The following ANXA2 variants were observed in gnomAD, a reference collection of about 807,000 sequenced individuals.
The protein encoded by ANXA2 is annexin A2, also known as annexin II.
A neutral mutation model predicts 47.3 loss-of-function variants in ANXA2; 28 were observed. The observed-to-expected ratio is 0.59, with a 90% CI of 0.44 to 0.81. ANXA2 has a LOEUF of 0.81. Among genes scored for constraint, ANXA2 ranks in the 40% least tolerant of loss-of-function variants. The pLI is 0.00. For synonymous variants in ANXA2, 172 were observed against 155.5 expected (o/e 1.11, Z -0.79); for missense variants, 384 against 414.3 (o/e 0.93, Z 0.64).
intron 3 of ANXA2, among the ~76,000 whole-genome samples, chr15:60,377,112 G>A (rs4774359): frequency 0.13 from 19,102 of 152,234 alleles, 1,312 homozygotes; most frequent in East Asian, 0.21. Flanking sequence ...GTCTCTTCCC[G>A]ATGAAGGGTT....
intron 3 of ANXA2, among the ~76,000 whole-genome samples, chr15:60,375,527 T>C (rs552281894): frequency 6.6e-6 from 1 of 152,322 alleles, no homozygotes; most frequent in East Asian, 1.9e-4. Context: ...ATCGTATATA[T>C]TTAACCCAAG....
At chr15:60,369,446 C>T (rs1421770688) in intron 3 of ANXA2, among the ~76,000 whole-genome samples, 4 of 152,190 alleles carry the variant, frequency 2.6e-5, no homozygotes, top group Non-Finnish European at 5.9e-5. Context: ...ACAATTCTAT[C>T]CTCTAACCTC....
intron 3 of ANXA2, among the ~76,000 whole-genome samples, chr15:60,369,226 TACCC>T (rs2062680096): frequency 6.6e-6 from 1 of 152,228 alleles, no homozygotes; most frequent in South Asian, 2.1e-4. Context: ...GACTCTAAAA[TACCC>T]ACAAAGTGGA....
chr15:60,383,742 G>A lies in ANXA2; in HGVS notation c.49-1301C>T, dbSNP rs561418584. The A allele has an allele frequency of 3.4e-4, 42 of 125,152 alleles. No individual in the cohort carries two copies. The South Asian group carries it at 8.1e-3, about 24-fold the overall frequency. 7.8% of individuals were successfully genotyped at this position (125,152 alleles called of 1,614,324 possible). A position where few individuals can be genotyped will look rare whatever the true frequency, so the allele number is the denominator to read the frequency against. ...CCAACCCCCCCAGCACATAATGCCC[G>A]TATAATGTGATGACTTGGCCTTGGC... On this transcript the variant is annotated intron_variant, in intron 2 of 12. Coordinates refer to ENST00000451270, the MANE Select transcript of ANXA2 (RefSeq NM_004039.3).
intron 4 of ANXA2, among the ~76,000 whole-genome samples, chr15:60,362,131 A>T (rs2062523528): frequency 6.6e-6 from 1 of 152,094 alleles, no homozygotes; most frequent in African/African-American, 2.4e-5. Flanking sequence ...CTGCTTCCCA[A>T]TGTCCCGGGA....
intron 2 of ANXA2, chr15:60,384,328 G>A (rs2062904471): frequency 6.6e-6 from 1 of 152,238 alleles, no homozygotes; most frequent in African/African-American, 2.4e-5. Context: ...AAACAACAGT[G>A]AGGGGGAAAA....
chr15:60,393,519 T>TAC (rs745944613), intron 1 of ANXA2: 16 of 990,776 alleles, frequency 1.6e-5, no homozygotes, highest in Non-Finnish European at 1.8e-5. Flanking sequence ...ATATCTTCTA[T>TAC]ACACACACAC....
At chr15:60,392,648 C>A (rs1188279225) in intron 1 of ANXA2, among the ~76,000 whole-genome samples, 1 of 152,216 alleles carries the variant, frequency 6.6e-6, no homozygotes, top group African/African-American at 2.4e-5. Context: ...AAATGTTAAT[C>A]TGAACAAACA....
At chr15:60,386,620 GTATT>G (rs2140923038) in intron 1 of ANXA2, 1 of 152,640 alleles carries the variant, frequency 6.6e-6, no homozygotes, top group South Asian at 2.1e-4. Context: ...AGATATTAAA[GTATT>G]TATGAGAAAG....
intron 3 of ANXA2, among the ~76,000 whole-genome samples, chr15:60,367,335 C>T (rs2062637820): frequency 8.3e-6 from 1 of 120,546 alleles, no homozygotes; most frequent in South Asian, 2.9e-4. Context: ...GCCCGGCCGC[C>T]CCTACTGGAA....
chr15:60,369,368 T>A (rs1368873708), intron 3 of ANXA2, among the ~76,000 whole-genome samples: 1 of 152,222 alleles, frequency 6.6e-6, no homozygotes, highest in Non-Finnish European at 1.5e-5. Context: ...ACTTGTTTAT[T>A]AACGTGTTTT....
intron 11 of ANXA2, 67 bp from the exon 12 acceptor site, chr15:60,349,264 T>C: frequency 6.4e-7 from 1 of 1,569,220 alleles, no homozygotes; most frequent in Non-Finnish European, 8.7e-7. Context: ...CGTCTACAGG[T>C]TGAGCATCCC....
chr15:60,352,312 A>G lies in ANXA2; in HGVS notation c.682+71T>C. ...ACCTCATTCTGGCAGACTCCATCCC[A>G]ACATGGACATCCACCCAGCCGCCCC... On this transcript the variant is annotated intron_variant, in intron 9 of 12. Coordinates refer to ENST00000451270, the MANE Select transcript of ANXA2 (RefSeq NM_004039.3). This position sits in a 1 kb window ranked among gnomAD's most constrained non-coding sequence, Gnocchi z 4.2. 9.5e-7 allele frequency: 1 copy of G among 1,054,410 alleles called. No homozygotes were observed. The highest frequency in any genetic ancestry group is 1.4e-6 in the Non-Finnish European group (1 of 693,300). 65.3% of individuals were successfully genotyped at this position (1,054,410 alleles called of 1,614,324 possible).
At chr15:60,393,075 G>T (rs1387282651) in intron 1 of ANXA2, 1 of 1,287,084 alleles carries the variant, frequency 7.8e-7, no homozygotes, top group African/African-American at 1.5e-5. Context: ...TGGTTTTATG[G>T]TCTTGATTAA....
Position 60,356,867 on chromosome 15 carries a change from T to C in ANXA2, c.448+279A>G, listed in dbSNP as rs182621686. 2.0e-4 allele frequency among the ~76,000 whole-genome samples: 30 copies of C among 152,336 alleles called. No individual in the cohort carries two copies. The South Asian group carries it at 4.6e-3, about 23-fold the overall frequency. ...ATACTTGCTACTTCTCCTCATCCGA[T>C]CTTGTTTAAAAACAAGTTTTGTTTT... On this transcript the variant is annotated intron_variant, in intron 6 of 12. Transcript: ENST00000451270.
Position 60,384,512 on chromosome 15 carries a change from T to C in ANXA2, c.48+1516A>G, listed in dbSNP as rs563937224. 5 of 152,276 alleles carry C rather than the reference T, an allele frequency of 3.3e-5. No homozygotes were observed. The East Asian group carries it at 9.6e-4, about 29-fold the overall frequency. 9.4% of individuals were successfully genotyped at this position (152,276 alleles called of 1,614,324 possible). On this transcript the variant is annotated intron_variant, in intron 2 of 12. Transcript: ENST00000451270. ...TATTTCTGCCCCACCTCTCCACACA[T>C]AAGAAATATACTAGAGTAACTTCAG...
intron 4 of ANXA2, 136 bp from the exon 5 acceptor site, chr15:60,361,190 C>G (rs2062507353): frequency 3.0e-6 from 2 of 665,588 alleles, no homozygotes; most frequent in Non-Finnish European, 5.6e-6. Context: ...GTCAAACGCC[C>G]TCAACTGCAT....
In ANXA2 at chr15:60,357,239, G is replaced by A. The variant is rs757317276; in HGVS notation, c.358-3C>T. On this transcript the variant is annotated splice_region_variant and splice_polypyrimidine_tract_variant and intron_variant, in intron 5 of 12. Transcript: ENST00000451270. ...GAGTCCTCGTCGGTTCCCAGCCCCT[G>A]TGAACCAGGAAGCACGAACATCAGC... 6 of 1,613,632 alleles carry A rather than the reference G, an allele frequency of 3.7e-6. No individual in the cohort carries two copies. In the South Asian group the frequency reaches 5.5e-5, roughly 15 times the overall value.
At chr15:60,376,704 A>G (rs1470804625) in intron 3 of ANXA2, among the ~76,000 whole-genome samples, 1 of 152,172 alleles carries the variant, frequency 6.6e-6, no homozygotes, top group African/African-American at 2.4e-5. Flanking sequence ...CTGTGAGAAC[A>G]GCCTTCGTGA....
Sources: allele counts gnomAD v4.1 joint callset (sites outside exome capture counted in the v4.1 genomes callset), GRCh38; gene constraint gnomAD v4.1.1; non-coding constraint Gnocchi (gnomAD v3.1); transcripts MANE v1.5; gene names NCBI Gene and HGNC (gene_info 2026-07-23, HGNC 2026-07-21).